The following CADPS2 variants were observed in gnomAD, a reference collection of about 807,000 sequenced individuals.
CADPS2 encodes the protein calcium-dependent secretion activator 2.
A neutral mutation model predicts 172.5 loss-of-function variants in CADPS2; 93 were observed. The observed-to-expected ratio is 0.54, with a 90% CI of 0.46 to 0.64. The LOEUF (loss-of-function observed/expected upper bound fraction) is 0.64. Ranked by LOEUF, CADPS2 falls within the 30% of genes least tolerant of loss-of-function variation. The pLI, the probability that CADPS2 is intolerant of heterozygous loss-of-function variation, is 0.00. For missense variants in CADPS2, 1,420 were observed against 1,565.9 expected, an observed-to-expected ratio of 0.91 and a Z score of 1.57; for synonymous variants, 546 against 555.2, an observed-to-expected ratio of 0.98 and a Z score of 0.23.
chr7:122,853,601 G>C (rs1156320599), intron 1 of CADPS2, among the ~76,000 whole-genome samples: 1 of 152,116 alleles, frequency 6.6e-6, no homozygotes, highest in Non-Finnish European at 1.5e-5. Flanking sequence ...TGAACCACTT[G>C]GTGATGTTTT....
intron 2 of CADPS2, among the ~76,000 whole-genome samples, chr7:122,703,387 T>C (rs771665511): frequency 2.0e-5 from 3 of 152,086 alleles, no homozygotes; most frequent in Non-Finnish European, 4.4e-5. Context: ...GGTTCAACAC[T>C]ACCCAGTATG....
intron 24 of CADPS2, among the ~76,000 whole-genome samples, chr7:122,383,283 A>G (rs1393163130): frequency 6.6e-6 from 1 of 152,004 alleles, no homozygotes; most frequent in East Asian, 1.9e-4. Flanking sequence ...TTAAACACTG[A>G]GAACACACGG....
intron 20 of CADPS2, among the ~76,000 whole-genome samples, chr7:122,400,484 GA>G (rs925960199): frequency 7.3e-5 from 11 of 151,228 alleles, no homozygotes; most frequent in East Asian, 3.9e-4. Context: ...AACAAAAAAA[GA>G]AAAAAAAGAA....
At chr7:122,411,125 A>G (rs780020707) in intron 19 of CADPS2, among the ~76,000 whole-genome samples, 11 of 151,826 alleles carry the variant, frequency 7.2e-5, no homozygotes, top group Non-Finnish European at 1.6e-4. Context: ...CCATCCATCT[A>G]CCATCAGCAG....
chr7:122,639,364 CAAAT>C (rs2077374534), intron 3 of CADPS2, among the ~76,000 whole-genome samples: 1 of 152,162 alleles, frequency 6.6e-6, no homozygotes, highest in Non-Finnish European at 1.5e-5. Flanking sequence ...TTTTGATTCA[CAAAT>C]AATTATAAAA....
chr7:122,692,748 T>C (rs1411002073), intron 2 of CADPS2, among the ~76,000 whole-genome samples: 1 of 152,226 alleles, frequency 6.6e-6, no homozygotes, highest in Non-Finnish European at 1.5e-5. Context: ...GATGGACAGA[T>C]AGCTGAAAGA....
intron 8 of CADPS2, among the ~76,000 whole-genome samples, chr7:122,542,073 G>A (rs2063154873): frequency 6.6e-6 from 1 of 151,680 alleles, no homozygotes; most frequent in African/African-American, 2.4e-5. Flanking sequence ...AACGTGCCAG[G>A]CAATGTTTTA....
chr7:122,816,984 C>G, intron 1 of CADPS2, among the ~76,000 whole-genome samples: 1 of 151,440 alleles, frequency 6.6e-6, no homozygotes, highest in African/African-American at 2.4e-5. Flanking sequence ...GCGACCCCCA[C>G]TCCTGCCCGC....
rs75782521 is a variant in CADPS2, at chr7:122,663,120, T to A, written c.786+117A>T. On this transcript the variant is annotated intron_variant, in intron 3 of 29. Coordinates refer to ENST00000449022, the MANE Select transcript of CADPS2 (RefSeq NM_017954.11). ...GTGATCTATTCAAATTCAATTTTGC[T>A]CAACTTTCCAAGTAAAGTGATTATA... 1.4e-3 allele frequency: 1,108 copies of A among 782,758 alleles called. 11 individuals carry two copies. In the East Asian group the frequency reaches 0.017, roughly 12 times the overall value. The allele number at this position is 782,758 out of a possible 1,614,324, so 48.5% of individuals were successfully genotyped here. A position where few individuals can be genotyped will look rare whatever the true frequency, so the allele number is the denominator to read the frequency against.
chr7:122,566,930 A>G (rs536193870), intron 7 of CADPS2, among the ~76,000 whole-genome samples: 118 of 152,312 alleles, frequency 7.7e-4, no homozygotes, highest in African/African-American at 2.8e-3. Context: ...TGCTGTTGCT[A>G]AAGTGCATAA....
At chr7:122,360,873 A>G (rs1225506137) in intron 26 of CADPS2, 53 bp from the exon 27 acceptor site, 3 of 1,597,088 alleles carry the variant, frequency 1.9e-6, no homozygotes, top group Admixed American at 1.7e-5. Flanking sequence ...TAACTGCCAT[A>G]TAAGTACTAT....
At chr7:122,613,436 A>AAT (rs753834535) in intron 6 of CADPS2, among the ~76,000 whole-genome samples, 9 of 151,852 alleles carry the variant, frequency 5.9e-5, no homozygotes, top group South Asian at 4.2e-4. Flanking sequence ...TTCCATATGA[A>AAT]ATATATATAT....
chr7:122,740,426 T>C (rs891612422), intron 1 of CADPS2, among the ~76,000 whole-genome samples: 1 of 152,148 alleles, frequency 6.6e-6, no homozygotes, highest in African/African-American at 2.4e-5. Flanking sequence ...AAATGCATAT[T>C]ACTATGTAAA....
chr7:122,348,935 A>G (rs529153833), intron 27 of CADPS2, among the ~76,000 whole-genome samples: 2 of 152,262 alleles, frequency 1.3e-5, no homozygotes, highest in South Asian at 4.1e-4. Flanking sequence ...CGCTGGTTCA[A>G]TGCTCCCATG....
At chr7:122,835,783 A>G (rs952795519) in intron 1 of CADPS2, among the ~76,000 whole-genome samples, 6 of 152,240 alleles carry the variant, frequency 3.9e-5, no homozygotes, top group Non-Finnish European at 7.3e-5. Flanking sequence ...ACTATATGAA[A>G]AGACCAAACC....
intron 17 of CADPS2, chr7:122,424,425 G>A (rs973622004): frequency 1.6e-6 from 1 of 634,522 alleles, no homozygotes; most frequent in South Asian, 7.0e-5. Context: ...TGACAGCTGG[G>A]CTGAATCCAA....
At chr7:122,582,179 A>G (rs1232644871) in intron 6 of CADPS2, among the ~76,000 whole-genome samples, 1 of 152,130 alleles carries the variant, frequency 6.6e-6, no homozygotes, top group Admixed American at 6.6e-5. Flanking sequence ...CAACAAATAA[A>G]TATCAATTTT....
At chr7:122,739,365 A>G (rs1277243923) in intron 1 of CADPS2, among the ~76,000 whole-genome samples, 1 of 152,194 alleles carries the variant, frequency 6.6e-6, no homozygotes, top group East Asian at 1.9e-4. Context: ...TTTATCAAAG[A>G]TATCTTTTTT....
At chr7:122,513,156 TA>T in intron 9 of CADPS2, 92 bp downstream of exon 9, 1 of 826,412 alleles carries the variant, frequency 1.2e-6, no homozygotes, top group Non-Finnish European at 2.0e-6. Flanking sequence ...TTTTAATTTC[TA>T]AAACAGTAAA....
Sources: allele counts gnomAD v4.1 joint callset (sites outside exome capture counted in the v4.1 genomes callset), GRCh38; gene constraint gnomAD v4.1.1; transcripts MANE v1.5; gene names NCBI Gene and HGNC (gene_info 2026-07-23, HGNC 2026-07-21).